The following TPO variants were observed in gnomAD, a reference collection of about 807,000 sequenced individuals.
TPO encodes the protein thyroid microsomal antigen.
TPO carries 78 observed loss-of-function variants against 96.9 expected under a neutral mutation model. That is an observed-to-expected ratio of 0.81 (90% CI 0.67 to 0.97). TPO has a LOEUF of 0.97. Ranked by LOEUF, TPO falls within the 50% of genes least tolerant of loss-of-function variation. The pLI is 0.00. For synonymous variants in TPO, 547 were observed against 538.0 expected (o/e 1.02, Z -0.23); for missense variants, 1,252 against 1,274.8 (o/e 0.98, Z 0.27).
chr2:1,509,502 C>T (rs1318914175), intron 14 of TPO, among the ~76,000 whole-genome samples: 1 of 151,626 alleles, frequency 6.6e-6, no homozygotes, highest in African/African-American at 2.4e-5. Context: ...CCTCTTGTTT[C>T]TGGGAAACCA....
intron 10 of TPO, among the ~76,000 whole-genome samples, chr2:1,488,619 T>C (rs149367950): frequency 2.0e-5 from 3 of 152,240 alleles, no homozygotes; most frequent in African/African-American, 7.2e-5. Flanking sequence ...GGTTGTCTGG[T>C]CAACCTGCAG....
chr2:1,456,123 C>A lies in TPO; in HGVS notation c.660C>A (p.Val220=). 1 of 1,614,064 alleles carries A rather than the reference C, an allele frequency of 6.2e-7. No homozygotes were observed. Among genetic ancestry groups the A allele is most frequent in the Non-Finnish European group, 8.5e-7 (1 of 1,180,036 alleles). Residue 220 remains valine (V), a synonymous_variant, in exon 7 of 17, where the codon GTC becomes GTA. Transcript: ENST00000329066. ...TCATTCAAGTTTCAAATGAGGTTGT[C>A]ACAGATGATGACCGCTATTCTGACC... ...RHVIQVSNEV[V]TDDDRYSDLL... is the part of the protein sequence containing the mutation.
intron 13 of TPO, among the ~76,000 whole-genome samples, chr2:1,500,547 C>T (rs1015413017): frequency 6.6e-6 from 1 of 152,176 alleles, no homozygotes; most frequent in African/African-American, 2.4e-5. Context: ...CTCATCAACA[C>T]ATCTGCGGCT....
intron 7 of TPO, among the ~76,000 whole-genome samples, chr2:1,460,461 G>A (rs1282149296): frequency 2.0e-5 from 3 of 152,086 alleles, no homozygotes; most frequent in Non-Finnish European, 4.4e-5. Context: ...TCAGGTCTTG[G>A]GTTCCAGGCT....
chr2:1,436,613 G>A (rs998124727), intron 5 of TPO, among the ~76,000 whole-genome samples: 83 of 152,164 alleles, frequency 5.5e-4, no homozygotes, highest in African/African-American at 2.0e-3. Flanking sequence ...CCACATAGGT[G>A]CTTACAGGTG....
chr2:1,542,588 G>C lies in TPO; in HGVS notation c.*114G>C. The C allele has an allele frequency of 1.3e-6, 2 of 1,563,310 alleles. No individual in the cohort carries two copies. Among genetic ancestry groups the C allele is most frequent in the Non-Finnish European group, 1.7e-6 (2 of 1,152,928 alleles). On this transcript the variant is annotated 3_prime_UTR_variant, in exon 17 of 17. Coordinates refer to ENST00000329066, the MANE Select transcript of TPO (RefSeq NM_001206744.2). ...GCAGGACGACTGTTTTCCCAACACG[G>C]GTAAATCTAGTACCATGTCGTAGTT... is the stretch of plus-strand genomic sequence containing the variant.
chr2:1,394,437 C>T (rs998782570), intron 1 of TPO, among the ~76,000 whole-genome samples: 1 of 152,192 alleles, frequency 6.6e-6, no homozygotes, highest in Non-Finnish European at 1.5e-5. Flanking sequence ...GGCCCAGCCA[C>T]CACAGGATGG....
intron 15 of TPO, among the ~76,000 whole-genome samples, chr2:1,531,324 ACCTCCCCAAATCCCTCCCACTGTGTGCAG>A (rs1419677826): frequency 1.0e-5 from 1 of 98,572 alleles, no homozygotes; most frequent in Non-Finnish European, 2.0e-5. Context: ...ACTGTGTTCA[ACCTCCCCAAATCCCTCCCACTGTGTGCAG>A]CCTCCCCAAA....
intron 2 of TPO, among the ~76,000 whole-genome samples, chr2:1,422,397 C>CAGACCT (rs1467468825): frequency 1.1e-4 from 6 of 54,814 alleles, no homozygotes; most frequent in African/African-American, 3.1e-4. Flanking sequence ...CCGCGCTGGG[C>CAGACCT]CATGGGGAGA....
At chr2:1,466,283 T>A (rs1331242459) in intron 7 of TPO, among the ~76,000 whole-genome samples, 5 of 152,206 alleles carry the variant, frequency 3.3e-5, no homozygotes, top group Non-Finnish European at 7.3e-5. Context: ...TGCATTGGAT[T>A]TGGTTAGCTA....
At chr2:1,471,059 C>T (rs536637569) in intron 7 of TPO, among the ~76,000 whole-genome samples, 88 of 152,320 alleles carry the variant, frequency 5.8e-4, no homozygotes, top group African/African-American at 1.9e-3. Context: ...TGCTCTTTTC[C>T]GATGCTGCAC....
chr2:1,387,023 T>A (rs12105656), intron 1 of TPO, among the ~76,000 whole-genome samples: 8,814 of 152,210 alleles, frequency 0.058, 676 homozygotes, highest in East Asian at 0.31. Flanking sequence ...TTTCTTTAAG[T>A]ATGTTGAATA....
chr2:1,494,462 C>T (rs1672130618), intron 11 of TPO, among the ~76,000 whole-genome samples: 1 of 152,238 alleles, frequency 6.6e-6, no homozygotes, highest in Admixed American at 6.5e-5. Flanking sequence ...CTAGGCTGGA[C>T]AGGACTTCCC....
intron 15 of TPO, among the ~76,000 whole-genome samples, chr2:1,538,219 C>A (rs1037101930): frequency 6.6e-6 from 1 of 152,092 alleles, no homozygotes; most frequent in East Asian, 1.9e-4. Context: ...CTCCTCCCTT[C>A]TTTGCCCAGA....
Position 1,433,572 on chromosome 2 carries a change from T to G in TPO, c.314T>G (p.Val105Gly). The G allele has an allele frequency of 6.2e-7, 1 of 1,614,064 alleles. No homozygotes were observed. Among genetic ancestry groups the G allele is most frequent in the Non-Finnish European group, 8.5e-7 (1 of 1,180,016 alleles). Reference protein sequence around the residue: ...ETSIQAMKRKVNLKTQQSQHP... With the variant: ...ETSIQAMKRKGNLKTQQSQHP... ...TCAATACAAGCGATGAAAAGAAAAG[T>G]CAACCTGAAAACTCAACAATCACAG... Residue 105 changes from valine to glycine, a missense_variant, in exon 4 of 17, where the codon GTC (valine) becomes GGC (glycine). Val to Gly is a moderately radical substitution (Grantham distance 109). Coordinates refer to ENST00000329066, the MANE Select transcript of TPO (RefSeq NM_001206744.2).
chr2:1,407,856 CA>C (rs1662270132), intron 1 of TPO, among the ~76,000 whole-genome samples: 1 of 152,172 alleles, frequency 6.6e-6, no homozygotes, highest in Non-Finnish European at 1.5e-5. Context: ...ACTGTAAAGA[CA>C]AATTGAACTA....
chr2:1,459,643 T>C (rs1202061090), intron 7 of TPO, among the ~76,000 whole-genome samples: 1 of 152,204 alleles, frequency 6.6e-6, no homozygotes, highest in Non-Finnish European at 1.5e-5. Flanking sequence ...TACAAAATTC[T>C]GGGCATCTGC....
Position 1,487,913 on chromosome 2 carries a change from C to T in TPO, c.1690C>T (p.Leu564Phe). The change falls in exon 10 of 17, where the codon CTC (leucine) becomes TTC (phenylalanine). Residue 564 changes from leucine (L) to phenylalanine (F), a missense_variant. Leu to Phe is a conservative substitution (Grantham distance 22). Coordinates refer to ENST00000329066, the MANE Select transcript of TPO (RefSeq NM_001206744.2). ...QLMNEELTER[L>F]FVLSNSSTLD... Reference sequence around the variant, plus strand: ...GATGAACGAGGAGCTGACGGAAAGGCTCTTTGTGCTGTCCAATTCCAGCAC... The same window carrying T: ...GATGAACGAGGAGCTGACGGAAAGGTTCTTTGTGCTGTCCAATTCCAGCAC... The T allele has an allele frequency of 6.2e-7, 1 of 1,614,188 alleles. No homozygotes were observed. Among genetic ancestry groups the T allele is most frequent in the Non-Finnish European group, 8.5e-7 (1 of 1,180,036 alleles).
At chr2:1,470,374 C>A (rs1007170331) in intron 7 of TPO, among the ~76,000 whole-genome samples, 4 of 152,098 alleles carry the variant, frequency 2.6e-5, no homozygotes, top group Non-Finnish European at 5.9e-5. Flanking sequence ...AGGAGTGAGC[C>A]TTGGTCCTTC....
Sources: allele counts gnomAD v4.1 joint callset (sites outside exome capture counted in the v4.1 genomes callset), GRCh38; gene constraint gnomAD v4.1.1; transcripts MANE v1.5; gene names NCBI Gene and HGNC (gene_info 2026-07-23, HGNC 2026-07-21).